YWHAQ: variants seen among roughly 807,000 people sequenced by gnomAD.
YWHAQ encodes tyrosine 3-monooxygenase/tryptophan 5-monooxygenase activation protein theta, also known as 14-3-3 protein theta.
A neutral mutation model predicts 28.3 loss-of-function variants in YWHAQ; 6 were observed. The observed-to-expected ratio is 0.21, with a 90% CI of 0.12 to 0.42. The LOEUF is 0.42. Among genes scored for constraint, YWHAQ ranks in the 10% least tolerant of loss-of-function variants. YWHAQ has a pLI of 1.00. For missense variants in YWHAQ, 201 were observed against 305.6 expected, an observed-to-expected ratio of 0.66 and a Z score of 2.55; for synonymous variants, 143 against 119.1, an observed-to-expected ratio of 1.20 and a Z score of -1.31.
intron 2 of YWHAQ, among the ~76,000 whole-genome samples, chr2:9,624,687 T>A (rs945230214): frequency 1.3e-5 from 2 of 151,578 alleles, no homozygotes; most frequent in African/African-American, 4.9e-5. Flanking sequence ...CAGTGGGGAG[T>A]GGGTAAAATC....
At chr2:9,588,418 T>G (rs1666389772) in intron 3 of YWHAQ, 90 bp from the exon 4 acceptor site, 4 of 1,436,496 alleles carry the variant, frequency 2.8e-6, no homozygotes, top group African/African-American at 1.5e-5. Flanking sequence ...CTACTAGCTC[T>G]TGGTAGAACC....
intron 3 of YWHAQ, among the ~76,000 whole-genome samples, chr2:9,590,884 C>T (rs956824066): frequency 4.6e-5 from 7 of 152,180 alleles, no homozygotes; most frequent in Non-Finnish European, 1.0e-4. Context: ...ACACTCATTT[C>T]ACCTCTCCTC....
At chr2:9,601,552 C>G (rs1666693595) in intron 2 of YWHAQ, among the ~76,000 whole-genome samples, 1 of 152,222 alleles carries the variant, frequency 6.6e-6, no homozygotes, top group African/African-American at 2.4e-5. Flanking sequence ...CCTGGTGTAC[C>G]ATTTAACGTT....
Position 9,605,266 on chromosome 2 carries a change from T to C in YWHAQ, c.295-13751A>G, listed in dbSNP as rs546928218. Among the ~76,000 whole-genome samples, 6 of 151,860 alleles carry C rather than the reference T, an allele frequency of 4.0e-5. No homozygotes were observed. The South Asian group carries it at 1.2e-3, about 32-fold the overall frequency. ...AATCCTCCCACCTCAGCCTCCCAAG[T>C]AGCTGGGACCACAGGCGCATACCAC... On this transcript the variant is annotated intron_variant, in intron 2 of 5. Coordinates refer to ENST00000238081, the MANE Select transcript of YWHAQ (RefSeq NM_006826.4).
chr2:9,629,686 T>G (rs951908504), intron 2 of YWHAQ, among the ~76,000 whole-genome samples: 6 of 152,142 alleles, frequency 3.9e-5, no homozygotes, highest in African/African-American at 1.4e-4. Context: ...ACTTGAAAAA[T>G]AAAGTATCTG....
rs184641070 is a variant in YWHAQ at position 9,589,024 on chromosome 2, A to G, written c.419-696T>C. 1.0e-3 allele frequency among the ~76,000 whole-genome samples: 152 copies of G among 151,946 alleles called. 1 individual carries two copies. Among genetic ancestry groups the G allele is most frequent in the African/African-American group, 3.4e-3 (139 of 41,466 alleles). On this transcript the variant is annotated intron_variant, in intron 3 of 5. Coordinates refer to ENST00000238081, the MANE Select transcript of YWHAQ (RefSeq NM_006826.4). ...GTAGCTCTAGCTACTTGGGAGGCTG[A>G]GGTGGGAGGACCCCTTGAGCCCAGG...
chr2:9,605,807 C>CTG (rs76686127), intron 2 of YWHAQ, among the ~76,000 whole-genome samples: 2 of 151,966 alleles, frequency 1.3e-5, no homozygotes, highest in East Asian at 3.9e-4. Context: ...AGTGATCTGC[C>CTG]CGCTGTGGCC....
chr2:9,606,034 A>C (rs921658893), intron 2 of YWHAQ, among the ~76,000 whole-genome samples: 1 of 152,120 alleles, frequency 6.6e-6, no homozygotes. Context: ...ATATAACACT[A>C]TATGTACAGT....
intron 2 of YWHAQ, among the ~76,000 whole-genome samples, chr2:9,614,088 ATC>A (rs1188323046): frequency 6.6e-6 from 1 of 152,206 alleles, no homozygotes. Flanking sequence ...CCTATGCTAT[ATC>A]CCCACATTTT....
chr2:9,589,920 G>A (rs116308789), intron 3 of YWHAQ, among the ~76,000 whole-genome samples: 63 of 152,246 alleles, frequency 4.1e-4, no homozygotes, highest in African/African-American at 1.4e-3. Context: ...AGATACTGAC[G>A]TAAGAGAATT....
chr2:9,591,870 C>T (rs1572987335), intron 2 of YWHAQ, among the ~76,000 whole-genome samples: 1 of 152,142 alleles, frequency 6.6e-6, no homozygotes, highest in East Asian at 1.9e-4. Flanking sequence ...AAAATCAGGC[C>T]CCTGCCCTCA....
At chr2:9,588,467 A>C in intron 3 of YWHAQ, 139 bp from the exon 4 acceptor site, 1 of 1,038,646 alleles carries the variant, frequency 9.6e-7, no homozygotes, top group Admixed American at 3.6e-5. Context: ...AAATCATGGT[A>C]GCTAACAAAA....
At chr2:9,588,882 G>A (rs1300610960) in intron 3 of YWHAQ, among the ~76,000 whole-genome samples, 1 of 152,162 alleles carries the variant, frequency 6.6e-6, no homozygotes, top group Non-Finnish European at 1.5e-5. Context: ...GTGAGGCAGG[G>A]GGATCACTTG....
chr2:9,598,045 G>A (rs1666614029), intron 2 of YWHAQ, among the ~76,000 whole-genome samples: 1 of 136,162 alleles, frequency 7.3e-6, no homozygotes, highest in African/African-American at 2.9e-5. Context: ...TGTTGGTCAG[G>A]CTGGTCTCAA....
intron 2 of YWHAQ, chr2:9,629,014 A>G (rs1667300893): frequency 8.4e-6 from 1 of 119,700 alleles, no homozygotes; most frequent in Admixed American, 1.0e-4. Flanking sequence ...GGTGGGGAAC[A>G]TATTCCCTGC....
rs2125076714 is a variant in YWHAQ at position 9,630,475 on chromosome 2, G to GGGCCGA, written c.-24_-23insTCGGCC. Reference sequence around the variant, plus strand: ...CATGGCGGGCGCGGGGCCGGGGCCGGGGCGGAGGGCGAGGAGAGCGAGGGC... The same window carrying GGGCCGA: ...CATGGCGGGCGCGGGGCCGGGGCCGGGGCCGAGGCGGAGGGCGAGGAGAGCGAGGGC... On this transcript the variant is annotated 5_prime_UTR_variant, in exon 2 of 6. Coordinates refer to ENST00000238081, the MANE Select transcript of YWHAQ (RefSeq NM_006826.4). The surrounding 1 kb of genome is among the most constrained non-coding windows in gnomAD (Gnocchi z 5.6). The GGGCCGA allele has an allele frequency of 6.4e-7, 1 of 1,570,318 alleles. No homozygotes were observed. The highest frequency in any genetic ancestry group is 1.2e-5 in the South Asian group (1 of 86,936).
chr2:9,602,826 AT>A (rs1160768239), intron 2 of YWHAQ, among the ~76,000 whole-genome samples: 22 of 68,756 alleles, frequency 3.2e-4, no homozygotes, highest in South Asian at 1.1e-3. Context: ...ACCATGCCTA[AT>A]TTAAAAAAAA....
chr2:9,592,268 T>A lies in YWHAQ; in HGVS notation c.295-753A>T, dbSNP rs563677266. Among the ~76,000 whole-genome samples the A allele has an allele frequency of 8.9e-4, 135 of 152,288 alleles. 1 individual carries two copies. Among genetic ancestry groups the A allele is most frequent in the Non-Finnish European group, 1.0e-3 (69 of 68,014 alleles). On this transcript the variant is annotated intron_variant, in intron 2 of 5. Coordinates refer to ENST00000238081, the MANE Select transcript of YWHAQ (RefSeq NM_006826.4). ...GGTCTACGAAATCTAATTATTTTTT[T>A]AAAAAAGTTCTTGAGTATGTCTTTT...
intron 2 of YWHAQ, among the ~76,000 whole-genome samples, chr2:9,605,870 A>G (rs1340164753): frequency 6.6e-6 from 1 of 151,994 alleles, no homozygotes; most frequent in African/African-American, 2.4e-5. Context: ...CCTCTTGTAC[A>G]TTCTTTTAAG....
Sources: gnomAD v4.1 joint callset for allele counts (sites outside exome capture counted in the v4.1 genomes callset) on GRCh38, gnomAD v4.1.1 for gene constraint, Gnocchi (gnomAD v3.1) non-coding constraint, MANE v1.5 for transcripts, NCBI Gene and HGNC (gene_info 2026-07-23, HGNC 2026-07-21) for gene names.